Variants in CNTN5 observed in about 807,000 individuals in gnomAD.
The protein encoded by CNTN5 is contactin-5.
A neutral mutation model predicts 129.1 loss-of-function variants in CNTN5; 77 were observed. That is an observed-to-expected ratio of 0.60 (90% confidence interval 0.50 to 0.72). The LOEUF (loss-of-function observed/expected upper bound fraction) is 0.72. Among genes scored for constraint, CNTN5 ranks in the 30% least tolerant of loss-of-function variants. The pLI, the probability that CNTN5 is intolerant of heterozygous loss-of-function variation, is 0.00. For missense variants in CNTN5, 1,478 were observed against 1,328.8 expected, an observed-to-expected ratio of 1.11 and a Z score of -1.75; for synonymous variants, 509 against 465.6, an observed-to-expected ratio of 1.09 and a Z score of -1.20.
chr11:99,036,169 C>G (rs1390961174), intron 1 of CNTN5, among the ~76,000 whole-genome samples: 1 of 151,962 alleles, frequency 6.6e-6, no homozygotes, highest in Non-Finnish European at 1.5e-5. Flanking sequence ...GAAATGCCAG[C>G]TATTCAGAAA....
At chr11:100,150,214 T>G (rs1947009028) in intron 13 of CNTN5, among the ~76,000 whole-genome samples, 1 of 152,148 alleles carries the variant, frequency 6.6e-6, no homozygotes, top group African/African-American at 2.4e-5. Context: ...TATATTATGA[T>G]CTGCAGAAAA....
intron 16 of CNTN5, among the ~76,000 whole-genome samples, chr11:100,244,819 T>C (rs1463390412): frequency 6.6e-6 from 1 of 152,206 alleles, no homozygotes; most frequent in Non-Finnish European, 1.5e-5. Flanking sequence ...GGCTGTTTGT[T>C]TCGGCTAGCT....
chr11:100,170,948 G>T (rs2138408331), intron 13 of CNTN5, among the ~76,000 whole-genome samples: 1 of 151,796 alleles, frequency 6.6e-6, no homozygotes, highest in East Asian at 1.9e-4. Flanking sequence ...TAGAAATCTT[G>T]CCCACACTCT....
intron 3 of CNTN5, among the ~76,000 whole-genome samples, chr11:99,813,984 T>C (rs1189547381): frequency 1.3e-5 from 2 of 152,228 alleles, no homozygotes; most frequent in African/African-American, 2.4e-5. Context: ...CTAAGGAGTC[T>C]TGTTGTAATA....
chr11:100,019,017 C>A (rs11222392), intron 9 of CNTN5, among the ~76,000 whole-genome samples: 2 of 151,672 alleles, frequency 1.3e-5, no homozygotes, highest in South Asian at 4.2e-4. Flanking sequence ...TTAAATTTTG[C>A]GTGAGAGTTG....
intron 1 of CNTN5, among the ~76,000 whole-genome samples, chr11:99,080,980 GTTT>G (rs766619743): frequency 1.8e-5 from 2 of 112,462 alleles, no homozygotes; most frequent in African/African-American, 3.3e-5. Context: ...TGAGAAATCA[GTTT>G]TTTTTTTTTT....
At chr11:100,197,646 A>T (rs116985768) in intron 15 of CNTN5, among the ~76,000 whole-genome samples, 6,536 of 152,062 alleles carry the variant, frequency 0.043, 213 homozygotes, top group Non-Finnish European at 0.072. Context: ...TTAATGGAGG[A>T]CTGTGCTGAG....
At chr11:100,209,887 T>C (rs1948991098) in intron 15 of CNTN5, among the ~76,000 whole-genome samples, 1 of 152,166 alleles carries the variant, frequency 6.6e-6, no homozygotes, top group Non-Finnish European at 1.5e-5. Context: ...AATAAGGGTA[T>C]TGTTATTTGT....
chr11:99,916,304 G>A (rs146374439), intron 7 of CNTN5, among the ~76,000 whole-genome samples, 155 bp downstream of exon 7: 132 of 152,208 alleles, frequency 8.7e-4, no homozygotes, highest in African/African-American at 2.8e-3. Context: ...TCAAGATCAC[G>A]TACTCTAAAT....
At chr11:100,317,611 A>T (rs1252232974) in intron 21 of CNTN5, among the ~76,000 whole-genome samples, 2 of 152,200 alleles carry the variant, frequency 1.3e-5, no homozygotes, top group African/African-American at 4.8e-5. Context: ...ATAGACTCTG[A>T]GGCCAACTAA....
intron 21 of CNTN5, among the ~76,000 whole-genome samples, chr11:100,312,881 T>G (rs1004503543): frequency 2.0e-5 from 3 of 152,084 alleles, no homozygotes; most frequent in African/African-American, 7.2e-5. Context: ...TCTGATCTTA[T>G]GAATGTTACA....
At chr11:99,246,492 C>G (rs59572152) in intron 1 of CNTN5, among the ~76,000 whole-genome samples, 4 of 152,008 alleles carry the variant, frequency 2.6e-5, no homozygotes, top group Non-Finnish European at 5.9e-5. Flanking sequence ...AGAATTTCAG[C>G]GCAAGTTATA....
chr11:100,318,242 GAAAAAA>G (rs66824133), intron 21 of CNTN5, among the ~76,000 whole-genome samples: 3 of 76,752 alleles, frequency 3.9e-5, no homozygotes, highest in African/African-American at 1.0e-4. Flanking sequence ...CTCTGTCTCA[GAAAAAA>G]AAAAAAAAAA....
intron 1 of CNTN5, among the ~76,000 whole-genome samples, chr11:99,041,221 A>T (rs1863972913): frequency 6.6e-6 from 1 of 152,078 alleles, no homozygotes; most frequent in East Asian, 1.9e-4. Flanking sequence ...TTGTGCAAAC[A>T]CTTTCTTTCC....
At chr11:99,597,817 C>T (rs974359510) in intron 3 of CNTN5, among the ~76,000 whole-genome samples, 1 of 152,120 alleles carries the variant, frequency 6.6e-6, no homozygotes, top group Non-Finnish European at 1.5e-5. Context: ...CACCCCACAG[C>T]TTTCTCCGGT....
At chr11:99,125,031 G>A (rs930043840) in intron 1 of CNTN5, among the ~76,000 whole-genome samples, 3 of 151,856 alleles carry the variant, frequency 2.0e-5, no homozygotes, top group Non-Finnish European at 4.4e-5. Context: ...TCTACCTAGA[G>A]ATGTATAAAA....
intron 3 of CNTN5, among the ~76,000 whole-genome samples, chr11:99,801,945 T>C (rs1946126962): frequency 1.3e-5 from 2 of 152,222 alleles, no homozygotes; most frequent in South Asian, 2.1e-4. Flanking sequence ...AAAGCATTCA[T>C]ATTTTTTATG....
At chr11:99,109,035 A>G (rs1209060612) in intron 1 of CNTN5, among the ~76,000 whole-genome samples, 1 of 151,820 alleles carries the variant, frequency 6.6e-6, no homozygotes, top group Non-Finnish European at 1.5e-5. Context: ...GTATATGTAC[A>G]TATGTATATG....
chr11:99,611,102 T>C (rs758346642), intron 3 of CNTN5, among the ~76,000 whole-genome samples: 1 of 152,198 alleles, frequency 6.6e-6, no homozygotes, highest in Non-Finnish European at 1.5e-5. Context: ...TCAAACTTTA[T>C]TTTCAAGGTG....
Sources: allele counts gnomAD v4.1 joint callset (sites outside exome capture counted in the v4.1 genomes callset), GRCh38; gene constraint gnomAD v4.1.1; transcripts MANE v1.5; gene names NCBI Gene and HGNC (gene_info 2026-07-23, HGNC 2026-07-21).